Variants in P4HTM observed in about 807,000 individuals in gnomAD.
P4HTM encodes the protein prolyl 4-hydroxylase, transmembrane.
Under a neutral mutation model 55.3 loss-of-function variants are expected in P4HTM, and 33 were observed. The observed-to-expected ratio is 0.60, with a 90% CI of 0.45 to 0.80. P4HTM has a LOEUF of 0.80. Among genes scored for constraint, P4HTM ranks in the 30% least tolerant of loss-of-function variants. The pLI is 0.00. For missense variants in P4HTM, 542 were observed against 696.5 expected, an observed-to-expected ratio of 0.78 and a Z score of 2.50; for synonymous variants, 272 against 286.4, an observed-to-expected ratio of 0.95 and a Z score of 0.51.
At chr3:49,003,104 A>C in intron 4 of P4HTM, 1 of 265,804 alleles carries the variant, frequency 3.8e-6, no homozygotes. Context: ...ACCTGTGCTA[A>C]CTGCTGGGGA....
At chr3:48,993,859 C>CA (rs60867672) in intron 2 of P4HTM, among the ~76,000 whole-genome samples, 10,392 of 43,894 alleles carry the variant, frequency 0.24, 1,092 homozygotes, top group African/African-American at 0.35. Context: ...GACTCCATCA[C>CA]AAAAAAAAAA....
Position 49,006,782 on chromosome 3 carries a change from C to A in P4HTM, c.1384C>A (p.Pro462Thr). ...TGCCAACAACTGGATTAATGTGGAC[C>A]CCAGCCGAGCGCGGCAAGCGCTGTT... The part of the protein sequence containing the change: ...WIANNWINVD[P>T]SRARQALFQQ... Residue 462 changes from proline (P) to threonine (T), a missense_variant, in exon 9 of 9, where the codon CCC becomes ACC. Physicochemically the swap from Pro to Thr is conservative, Grantham distance 38. Coordinates refer to ENST00000383729, the MANE Select transcript of P4HTM (RefSeq NM_177939.3). The A allele has an allele frequency of 1.2e-6, 2 of 1,613,618 alleles. No homozygotes were observed. The highest frequency in any genetic ancestry group is 1.7e-6 in the Non-Finnish European group (2 of 1,180,032).
intron 2 of P4HTM, chr3:49,001,158 C>T: frequency 4.1e-6 from 2 of 493,118 alleles, no homozygotes; most frequent in Middle Eastern, 5.8e-4. Flanking sequence ...GATGGGTCAG[C>T]CCATATCCAG....
intron 2 of P4HTM, 87 bp from the exon 3 acceptor site, chr3:49,001,351 A>T (rs1387507931): frequency 8.1e-7 from 1 of 1,238,890 alleles, no homozygotes; most frequent in Non-Finnish European, 1.2e-6. Flanking sequence ...GACATGCAGT[A>T]CCCCAGGAAC....
intron 2 of P4HTM, chr3:48,996,383 C>G (rs2092945641): frequency 1.3e-5 from 2 of 152,386 alleles, no homozygotes; most frequent in Non-Finnish European, 1.5e-5. Context: ...AAGCAATTCT[C>G]CTGCCTCAGC....
At chr3:49,005,725 C>T (rs534711238) in intron 6 of P4HTM, 52 bp from the exon 7 acceptor site, 121 of 1,551,106 alleles carry the variant, frequency 7.8e-5, no homozygotes, top group Non-Finnish European at 1.0e-4. Flanking sequence ...CAGGTAAGCC[C>T]CTGGGAGCAT....
chr3:49,005,454 T>C, intron 6 of P4HTM: 1 of 1,371,696 alleles, frequency 7.3e-7, no homozygotes, highest in Non-Finnish European at 9.4e-7. Flanking sequence ...GCCCAGCCCC[T>C]TCCCATCCCC....
chr3:49,004,855 C>T lies in P4HTM; in HGVS notation c.888-6C>T, dbSNP rs2092971676. On this transcript the variant is annotated splice_region_variant and splice_polypyrimidine_tract_variant and intron_variant, in intron 5 of 8. Transcript: ENST00000383729. The stretch of plus-strand genomic sequence containing the variant: ...GCTGCCCAGCCAAATGCCTGCTGCC[C>T]ACCAGGGTGCTGCGCCTCACTCGCC... 2 of 1,601,876 alleles carry T rather than the reference C, an allele frequency of 1.2e-6. No homozygotes were observed. The highest frequency in any genetic ancestry group is 2.7e-5 in the African/African-American group (2 of 74,940).
chr3:49,006,778 G>C lies in P4HTM; in HGVS notation c.1380G>C (p.Val460=). Residue 460 remains valine (V), a synonymous_variant, in exon 9 of 9, where the codon GTG becomes GTC. Coordinates refer to ENST00000383729, the MANE Select transcript of P4HTM (RefSeq NM_177939.3). ...TKWIANNWIN[V]DPSRARQALF... is the part of the protein sequence containing the mutation. ...GGATTGCCAACAACTGGATTAATGTGGACCCCAGCCGAGCGCGGCAAGCGC... is the reference window on the plus strand; with the variant it reads ...GGATTGCCAACAACTGGATTAATGTCGACCCCAGCCGAGCGCGGCAAGCGC... 6.2e-7 allele frequency: 1 copy of C among 1,613,656 alleles called. No individual in the cohort carries two copies. The highest frequency in any genetic ancestry group is 8.5e-7 in the Non-Finnish European group (1 of 1,180,036).
In P4HTM at chr3:48,990,925, CAG is replaced by C; in HGVS notation, c.436+13_436+14del. On this transcript the variant is annotated intron_variant, in intron 2 of 8. Coordinates refer to ENST00000383729, the MANE Select transcript of P4HTM (RefSeq NM_177939.3). The surrounding 1 kb of genome is among the most constrained non-coding windows in gnomAD (Gnocchi z 7.2). The stretch of plus-strand genomic sequence containing the variant: ...AGCCGCTGCTCTTCGGTAAGTCCGC[CAG>C]ATACTCCTGGGAAGGGCCAGGGGCT... 1 of 1,610,664 alleles carries C rather than the reference CAG, an allele frequency of 6.2e-7. No individual in the cohort carries two copies. The highest frequency in any genetic ancestry group is 8.5e-7 in the Non-Finnish European group (1 of 1,177,178).
At chr3:48,994,457 T>C (rs115429772) in intron 2 of P4HTM, among the ~76,000 whole-genome samples, 106 of 152,316 alleles carry the variant, frequency 7.0e-4, no homozygotes, top group African/African-American at 2.2e-3. Context: ...CCCCAGTCTC[T>C]CCTTGAGAAA....
At position 49,006,105 on chromosome 3, in the gene P4HTM, G is replaced by A. The variant is rs753849062; in HGVS notation, c.1206G>A (p.Arg402=). 1 of 1,613,030 alleles carries A rather than the reference G, an allele frequency of 6.2e-7. No individual in the cohort carries two copies. The highest frequency in any genetic ancestry group is 1.1e-5 in the South Asian group (1 of 91,084). ...ACGTGGACCTCCGTGACACACGGAG[G>A]CACTGTGACAAGGGAAACCTGCGTG... The part of the protein sequence containing the change: ...QDDVDLRDTR[R]HCDKGNLRVK... The change falls in exon 8 of 9, where the codon AGG becomes AGA. Residue 402 remains arginine (R), a synonymous_variant. Transcript: ENST00000383729.
chr3:49,004,945 C>G lies in P4HTM; in HGVS notation c.972C>G (p.His324Gln). Residue 324 changes from histidine to glutamine, a missense_variant, in exon 6 of 9, where the codon CAC (histidine) becomes CAG (glutamine). Physicochemically the swap from His to Gln is conservative, Grantham distance 24. Around this residue, in one of 2 missense-constraint regions of P4HTM, gnomAD observed 536 missense variants for 672.1 expected, o/e 0.80. Coordinates refer to ENST00000383729, the MANE Select transcript of P4HTM (RefSeq NM_177939.3). Reference sequence around the variant, plus strand: ...TTGTTCGATATGGTGAGGGGGGCCACTACCATGCCCACGTGGACAGTGGGC... The same window carrying G: ...TTGTTCGATATGGTGAGGGGGGCCAGTACCATGCCCACGTGGACAGTGGGC... ...LQVVRYGEGG[H>Q]YHAHVDSGPV... 2 of 1,613,956 alleles carry G rather than the reference C, an allele frequency of 1.2e-6. No individual in the cohort carries two copies. The highest frequency in any genetic ancestry group is 1.7e-6 in the Non-Finnish European group (2 of 1,179,964).
chr3:48,990,791 C>G lies in P4HTM; in HGVS notation c.355-42C>G, dbSNP rs772433610. On this transcript the variant is annotated intron_variant, in intron 1 of 8. Coordinates refer to ENST00000383729, the MANE Select transcript of P4HTM (RefSeq NM_177939.3). This position sits in a 1 kb window ranked among gnomAD's most constrained non-coding sequence, Gnocchi z 7.2. ...GCGACTTGGCCCTTCTTGGGCAGCGCGGTCTGGCGCCCCAGCTGCCCGCTG... is the reference window on the plus strand; with the variant it reads ...GCGACTTGGCCCTTCTTGGGCAGCGGGGTCTGGCGCCCCAGCTGCCCGCTG... 1.9e-6 allele frequency: 3 copies of G among 1,587,966 alleles called. No homozygotes were observed. Among genetic ancestry groups the G allele is most frequent in the Non-Finnish European group, 2.6e-6 (3 of 1,158,316 alleles).
rs915167296 is a variant in P4HTM, at chr3:48,990,463, C to A, written c.207C>A (p.His69Gln). ...AYFLVLMVFV[H>Q]LYLGNVLALL... Reference sequence around the variant, plus strand: ...TCCTGGTGCTGATGGTGTTCGTGCACCTGTACCTGGGTAACGTGCTGGCGC... The same window carrying A: ...TCCTGGTGCTGATGGTGTTCGTGCAACTGTACCTGGGTAACGTGCTGGCGC... The change falls in exon 1 of 9, where the codon CAC becomes CAA. Residue 69 changes from histidine to glutamine, a missense_variant. Coordinates refer to ENST00000383729, the MANE Select transcript of P4HTM (RefSeq NM_177939.3). This position sits in a 1 kb window ranked among gnomAD's most constrained non-coding sequence, Gnocchi z 7.2. 5 of 1,611,036 alleles carry A rather than the reference C, an allele frequency of 3.1e-6. No individual in the cohort carries two copies. The highest frequency in any genetic ancestry group is 4.2e-6 in the Non-Finnish European group (5 of 1,179,442).
intron 2 of P4HTM, among the ~76,000 whole-genome samples, chr3:48,992,425 G>A (rs1200992890): frequency 6.6e-6 from 1 of 151,878 alleles, no homozygotes. Context: ...GACCAACATG[G>A]TGAAATCTCA....
At chr3:49,005,196 A>C in intron 6 of P4HTM, 150 bp downstream of exon 6, 3 of 1,578,028 alleles carry the variant, frequency 1.9e-6, no homozygotes, top group Non-Finnish European at 2.6e-6. Context: ...ACCTCTCCCC[A>C]CAAGTTGTTT....
At chr3:48,992,993 G>A (rs967817252) in intron 2 of P4HTM, among the ~76,000 whole-genome samples, 5 of 151,940 alleles carry the variant, frequency 3.3e-5, no homozygotes, top group Admixed American at 1.3e-4. Context: ...TAGCCAAGGT[G>A]GACCTGCCTG....
chr3:48,993,904 T>TA, intron 2 of P4HTM, among the ~76,000 whole-genome samples: 1 of 147,638 alleles, frequency 6.8e-6, no homozygotes, highest in Admixed American at 6.7e-5. Context: ...AACCCAGATC[T>TA]AAAGTCACCA....
Sources: allele counts gnomAD v4.1 joint callset (sites outside exome capture counted in the v4.1 genomes callset), GRCh38; gene constraint gnomAD v4.1.1; regional missense constraint gnomAD v4.1.1; non-coding constraint Gnocchi (gnomAD v3.1); transcripts MANE v1.5; gene names NCBI Gene and HGNC (gene_info 2026-07-23, HGNC 2026-07-21).